KDM4D: variants seen among roughly 807,000 people sequenced by gnomAD.
The protein encoded by KDM4D is lysine demethylase 4D, also known as lysine-specific demethylase 4D.
For missense variants in KDM4D, 427 were observed against 674.8 expected (o/e 0.63, Z 4.07); for synonymous variants, 254 against 249.1 (o/e 1.02, Z -0.19).
chr11:94,981,081 T>A (rs1197638073), intron 2 of KDM4D, among the ~76,000 whole-genome samples: 1 of 152,134 alleles, frequency 6.6e-6, no homozygotes, highest in East Asian at 1.9e-4. Flanking sequence ...TTTTGCCTAC[T>A]ATTTTTAATT....
intron 2 of KDM4D, among the ~76,000 whole-genome samples, chr11:94,995,881 C>A (rs1857971615): frequency 6.6e-6 from 1 of 152,132 alleles, no homozygotes; most frequent in Admixed American, 6.5e-5. Context: ...AAAATCCTAA[C>A]CCTGATGGAA....
intron 2 of KDM4D, among the ~76,000 whole-genome samples, chr11:94,992,737 A>G (rs782293235): frequency 3.0e-4 from 45 of 152,312 alleles, no homozygotes; most frequent in Non-Finnish European, 5.7e-4. Context: ...AATACGGACT[A>G]CATATTTAAG....
rs1857981772 is a variant in KDM4D at position 94,997,182 on chromosome 11, C to T, written c.-191C>T. The T allele has an allele frequency of 2.1e-6, 1 of 467,542 alleles. No homozygotes were observed. Among genetic ancestry groups the T allele is most frequent in the Non-Finnish European group, 3.7e-6 (1 of 269,314 alleles). 29.0% of individuals were successfully genotyped at this position (467,542 alleles called of 1,614,324 possible). Reference sequence around the variant, plus strand: ...TCAATGCCTGGGCAAAGCTGCTGCCCAGAGTGGAATCTCACTAGTGAATAA... The same window carrying T: ...TCAATGCCTGGGCAAAGCTGCTGCCTAGAGTGGAATCTCACTAGTGAATAA... On this transcript the variant is annotated 5_prime_UTR_variant, in exon 3 of 3. Transcript: ENST00000335080.
intron 2 of KDM4D, among the ~76,000 whole-genome samples, chr11:94,987,593 C>T (rs192038089): frequency 1.3e-5 from 2 of 152,230 alleles, no homozygotes; most frequent in African/African-American, 2.4e-5. Flanking sequence ...ACATAGCAAA[C>T]GCAACTCTTC....
chr11:94,989,838 G>T (rs911324860), intron 2 of KDM4D, among the ~76,000 whole-genome samples: 1 of 140,170 alleles, frequency 7.1e-6, no homozygotes. Flanking sequence ...TGCAACCTCC[G>T]CCAGGTTGAA....
At chr11:94,987,674 A>T (rs1431496105) in intron 2 of KDM4D, among the ~76,000 whole-genome samples, 1 of 152,244 alleles carries the variant, frequency 6.6e-6, no homozygotes, top group Non-Finnish European at 1.5e-5. Context: ...AAAGACAGAA[A>T]CAAAGACATT....
intron 2 of KDM4D, among the ~76,000 whole-genome samples, chr11:94,988,371 G>C (rs184912254): frequency 6.6e-6 from 1 of 151,982 alleles, no homozygotes; most frequent in East Asian, 1.9e-4. Context: ...TTTATTTTTC[G>C]GTAAACCTCC....
intron 2 of KDM4D, among the ~76,000 whole-genome samples, chr11:94,992,077 A>C (rs1857939723): frequency 6.6e-6 from 1 of 152,096 alleles, no homozygotes; most frequent in Non-Finnish European, 1.5e-5. Flanking sequence ...TAAAATCAGA[A>C]TTAAAGGTAC....
rs1555099673 is a variant in KDM4D, at chr11:94,998,847, C to T, written c.1475C>T (p.Pro492Leu). The T allele has an allele frequency of 6.4e-7, 1 of 1,570,164 alleles. No individual in the cohort carries two copies. Among genetic ancestry groups the T allele is most frequent in the Non-Finnish European group, 8.6e-7 (1 of 1,156,434 alleles). Residue 492 changes from proline to leucine, a missense_variant, in exon 3 of 3, where the codon CCT (proline) becomes CTT (leucine). By Grantham distance (98) the Pro-to-Leu change is moderately conservative. Transcript: ENST00000335080. This position sits in a 1 kb window ranked among gnomAD's most constrained non-coding sequence, Gnocchi z 6.7. ...TCGGGCCCAGAACCTGAGCCCCTAC[C>T]TGAGGATGGGGCTTTGATGGACAAG... Reference protein sequence around the residue: ...TASGPEPEPLPEDGALMDKPV... With the variant: ...TASGPEPEPLLEDGALMDKPV...
At chr11:94,991,117 C>G (rs1555098636) in intron 2 of KDM4D, among the ~76,000 whole-genome samples, 1 of 152,154 alleles carries the variant, frequency 6.6e-6, no homozygotes, top group African/African-American at 2.4e-5. Flanking sequence ...CCTGTACTCT[C>G]CAGGAGAAAG....
At chr11:94,993,654 G>A (rs587731738) in intron 2 of KDM4D, among the ~76,000 whole-genome samples, 8 of 151,904 alleles carry the variant, frequency 5.3e-5, no homozygotes, top group Admixed American at 1.3e-4. Context: ...AAGAAGTAAC[G>A]CAGTTTATAA....
intron 2 of KDM4D, among the ~76,000 whole-genome samples, chr11:94,983,141 G>C (rs1193301469): frequency 6.6e-6 from 1 of 151,888 alleles, no homozygotes; most frequent in East Asian, 1.9e-4. Context: ...CATTGGCATA[G>C]AAATGTACAA....
Position 94,998,616 on chromosome 11 carries a change from C to T in KDM4D, c.1244C>T (p.Ala415Val). Residue 415 changes from alanine to valine, a missense_variant, in exon 3 of 3, where the codon GCT (alanine) becomes GTT (valine). Physicochemically the swap from Ala to Val is moderately conservative, Grantham distance 64. Coordinates refer to ENST00000335080, the MANE Select transcript of KDM4D (RefSeq NM_018039.3). This position sits in a 1 kb window ranked among gnomAD's most constrained non-coding sequence, Gnocchi z 6.7. ...CGCCGATCTGCAGTTAGTGGCACTG[C>T]TACGCAGCCCCGGGCTGCTGCTGTC... ...LPRRSAVSGT[A>V]TQPRAAAVHS... 6.2e-7 allele frequency: 1 copy of T among 1,614,190 alleles called. No individual in the cohort carries two copies. Among genetic ancestry groups the T allele is most frequent in the Non-Finnish European group, 8.5e-7 (1 of 1,180,046 alleles).
At position 94,978,882 on chromosome 11, in the gene KDM4D, C is replaced by G. The variant is rs189288013; in HGVS notation, c.-350+3134C>G. 8.7e-4 allele frequency among the ~76,000 whole-genome samples: 132 copies of G among 152,172 alleles called. 2 individuals are homozygous for G. The highest frequency in any genetic ancestry group is 3.0e-3 in the African/African-American group (125 of 41,518). On this transcript the variant is annotated intron_variant, in intron 2 of 2. Transcript: ENST00000335080. ...AAAAATCCACTAGGAAAATTACTATCGGACATGTATGCAGCTAATGACATA... is the reference window on the plus strand; with the variant it reads ...AAAAATCCACTAGGAAAATTACTATGGGACATGTATGCAGCTAATGACATA...
chr11:94,998,526 C>T lies in KDM4D; in HGVS notation c.1154C>T (p.Ser385Phe), dbSNP rs994174397. The T allele has an allele frequency of 6.2e-6, 10 of 1,612,704 alleles. No homozygotes were observed. Among genetic ancestry groups the T allele is most frequent in the Admixed American group, 5.0e-5 (3 of 60,006 alleles). ...RQLPSHWARHSPWPMAARSGT... is the reference protein window; with the variant it reads ...RQLPSHWARHFPWPMAARSGT... ...CTCCCTTCCCACTGGGCCCGGCATTCCCCTTGGCCTATGGCTGCCCGCAGT... is the reference window on the plus strand; with the variant it reads ...CTCCCTTCCCACTGGGCCCGGCATTTCCCTTGGCCTATGGCTGCCCGCAGT... Residue 385 changes from serine to phenylalanine, a missense_variant, in exon 3 of 3, where the codon TCC becomes TTC. By Grantham distance (155) the Ser-to-Phe change is radical. Coordinates refer to ENST00000335080, the MANE Select transcript of KDM4D (RefSeq NM_018039.3). This position sits in a 1 kb window ranked among gnomAD's most constrained non-coding sequence, Gnocchi z 6.7.
chr11:94,998,160 G>T lies in KDM4D; in HGVS notation c.788G>T (p.Arg263Leu), dbSNP rs373019386. Residue 263 changes from arginine to leucine, a missense_variant, in exon 3 of 3, where the codon CGC (arginine) becomes CTC (leucine). By Grantham distance (102) the Arg-to-Leu change is moderately radical. Transcript: ENST00000335080. This position sits in a 1 kb window ranked among gnomAD's most constrained non-coding sequence, Gnocchi z 6.7. Reference sequence around the variant, plus strand: ...AAGGAAAATGGGATTCCCTTCAATCGCATAACTCAGGAGGCTGGAGAGTTC... The same window carrying T: ...AAGGAAAATGGGATTCCCTTCAATCTCATAACTCAGGAGGCTGGAGAGTTC... ...VLKENGIPFN[R>L]ITQEAGEFMV... 1 of 1,614,144 alleles carries T rather than the reference G, an allele frequency of 6.2e-7. No homozygotes were observed. Among genetic ancestry groups the T allele is most frequent in the Non-Finnish European group, 8.5e-7 (1 of 1,180,048 alleles).
Position 94,998,727 on chromosome 11 carries a change from G to T in KDM4D, c.1355G>T (p.Gly452Val), listed in dbSNP as rs139448748. 103 of 1,613,990 alleles carry T rather than the reference G, an allele frequency of 6.4e-5. No individual in the cohort carries two copies. The highest frequency in any genetic ancestry group is 8.2e-5 in the Non-Finnish European group (97 of 1,179,998). ...QIIHPSNGRR[G>V]RGRPPQKLRA... is the part of the protein sequence containing the mutation. Reference sequence around the variant, plus strand: ...ATCCACCCGTCAAATGGCAGACGTGGTCGTGGTCGCCCTCCTCAGAAACTG... The same window carrying T: ...ATCCACCCGTCAAATGGCAGACGTGTTCGTGGTCGCCCTCCTCAGAAACTG... The change falls in exon 3 of 3, where the codon GGT becomes GTT. Residue 452 changes from glycine to valine, a missense_variant. Transcript: ENST00000335080. The surrounding 1 kb of genome is among the most constrained non-coding windows in gnomAD (Gnocchi z 6.7).
chr11:94,996,206 T>C (rs1403873646), intron 2 of KDM4D, among the ~76,000 whole-genome samples: 1 of 152,206 alleles, frequency 6.6e-6, no homozygotes, highest in African/African-American at 2.4e-5. Context: ...CTTTTCCTCC[T>C]AAACCCTATT....
At chr11:94,977,187 A>T (rs1022125057) in intron 2 of KDM4D, among the ~76,000 whole-genome samples, 1 of 152,246 alleles carries the variant, frequency 6.6e-6, no homozygotes, top group Non-Finnish European at 1.5e-5. Flanking sequence ...GAGGAAAATG[A>T]AAGTAAACTA....
Sources: allele counts gnomAD v4.1 joint callset (sites outside exome capture counted in the v4.1 genomes callset), GRCh38; gene constraint gnomAD v4.1.1; non-coding constraint Gnocchi (gnomAD v3.1); transcripts MANE v1.5; gene names NCBI Gene and HGNC (gene_info 2026-07-23, HGNC 2026-07-21).